The following STXBP4 variants were observed in gnomAD, a reference collection of about 807,000 sequenced individuals.
STXBP4 encodes syntaxin binding protein 4.
STXBP4 carries 55 observed loss-of-function variants against 76.1 expected under a neutral mutation model. The observed-to-expected ratio is 0.72, with a 90% CI of 0.58 to 0.91. STXBP4 has a LOEUF of 0.91. Among genes scored for constraint, STXBP4 ranks in the 40% least tolerant of loss-of-function variants. The pLI is 0.00. For missense variants in STXBP4, 618 were observed against 636.9 expected, an observed-to-expected ratio of 0.97 and a Z score of 0.32; for synonymous variants, 201 against 220.2, an observed-to-expected ratio of 0.91 and a Z score of 0.77.
chr17:54,980,179 A>T (rs2077529787), intron 1 of STXBP4, among the ~76,000 whole-genome samples: 1 of 152,122 alleles, frequency 6.6e-6, no homozygotes, highest in Non-Finnish European at 1.5e-5. Flanking sequence ...AAGACATATA[A>T]TCATATAATC....
At chr17:55,026,228 C>A (rs1368817383) in intron 8 of STXBP4, among the ~76,000 whole-genome samples, 2 of 152,132 alleles carry the variant, frequency 1.3e-5, no homozygotes, top group Non-Finnish European at 2.9e-5. Flanking sequence ...ATCAAAATAT[C>A]AGTTGGCTAT....
At chr17:55,031,356 AG>A (rs2078506785) in intron 9 of STXBP4, 92 bp downstream of exon 9, 1 of 1,054,688 alleles carries the variant, frequency 9.5e-7, no homozygotes, top group East Asian at 2.6e-5. Context: ...GTTCTTTAGA[AG>A]GAGAGAATGA....
At position 55,124,200 on chromosome 17, in the gene STXBP4, A is replaced by C. The variant is rs535457988; in HGVS notation, c.1490-17110A>C. 3.9e-5 allele frequency among the ~76,000 whole-genome samples: 6 copies of C among 152,296 alleles called. No individual in the cohort carries two copies. The East Asian group carries it at 1.2e-3, about 29-fold the overall frequency. On this transcript the variant is annotated intron_variant, in intron 16 of 17. Transcript: ENST00000376352. Reference sequence around the variant, plus strand: ...ATGGGGACTTGGGAGAATGAGATGGAGGTCCAAATGATAAGACAGGCTGTG... The same window carrying C: ...ATGGGGACTTGGGAGAATGAGATGGCGGTCCAAATGATAAGACAGGCTGTG...
At chr17:55,119,305 AGTT>A (rs2079817484) in intron 16 of STXBP4, among the ~76,000 whole-genome samples, 1 of 152,130 alleles carries the variant, frequency 6.6e-6, no homozygotes, top group African/African-American at 2.4e-5. Context: ...GCAAAGAAAA[AGTT>A]GTTTCTACAA....
In STXBP4 at chr17:54,985,639, A is replaced by G. The variant is rs1369797015; in HGVS notation, c.-131A>G. ...GAAAGCCATTTAAGAAGTTCCTGGA[A>G]TAATATTAGTCAGAGTAATATAGGA... is the stretch of plus-strand genomic sequence containing the variant. On this transcript the variant is annotated 5_prime_UTR_variant, in exon 2 of 18. Transcript: ENST00000376352. 6.6e-6 allele frequency: 1 copy of G among 152,290 alleles called. No individual in the cohort carries two copies. The highest frequency in any genetic ancestry group is 1.5e-5 in the Non-Finnish European group (1 of 68,062). 9.4% of individuals were successfully genotyped at this position (152,290 alleles called of 1,614,324 possible).
At chr17:54,978,858 A>G (rs890754897) in intron 1 of STXBP4, among the ~76,000 whole-genome samples, 26 of 152,200 alleles carry the variant, frequency 1.7e-4, no homozygotes, top group African/African-American at 6.0e-4. Context: ...ATTTTAAAAG[A>G]TGAAATTATT....
At chr17:55,104,582 A>AT (rs1191084081) in intron 16 of STXBP4, among the ~76,000 whole-genome samples, 3 of 151,796 alleles carry the variant, frequency 2.0e-5, no homozygotes, top group Middle Eastern at 3.2e-3. Context: ...TTGGCCTTAA[A>AT]TTTTTTTGTT....
chr17:55,157,379 A>G (rs1418143587), intron 17 of STXBP4, among the ~76,000 whole-genome samples: 1 of 152,198 alleles, frequency 6.6e-6, no homozygotes, highest in Non-Finnish European at 1.5e-5. Flanking sequence ...CTTTAAAACC[A>G]CTTTCAAGTT....
Position 55,161,292 on chromosome 17 carries a change from T to C in STXBP4, c.*1381T>C, listed in dbSNP as rs2080334821. 1 of 152,178 alleles carries C rather than the reference T, an allele frequency of 6.6e-6. No individual in the cohort carries two copies. The highest frequency in any genetic ancestry group is 2.4e-5 in the African/African-American group (1 of 41,440). The allele number at this position is 152,178 out of a possible 1,614,324, so 9.4% of individuals were successfully genotyped here. ...CAGACTGATAGGTAGTCATTAGCCA[T>C]GAGAAATGTTTCAGGATGGCTAGGG... On this transcript the variant is annotated 3_prime_UTR_variant, in exon 18 of 18. Transcript: ENST00000376352.
At chr17:55,199,626 G>A in the STXBP4 span, among the ~76,000 whole-genome samples, 1 of 152,110 alleles carries the variant, frequency 6.6e-6, no homozygotes, top group Admixed American at 6.5e-5. Context: ...TCCCTGAGTG[G>A]TAATAATCAG....
intron 8 of STXBP4, among the ~76,000 whole-genome samples, chr17:55,008,456 C>T (rs1387232028): frequency 6.6e-6 from 1 of 152,014 alleles, no homozygotes; most frequent in Non-Finnish European, 1.5e-5. Context: ...AGTTTTCTCA[C>T]CCATCGGTAG....
intron 15 of STXBP4, among the ~76,000 whole-genome samples, chr17:55,080,124 TA>T (rs1291423968): frequency 3.3e-5 from 5 of 152,182 alleles, no homozygotes; most frequent in African/African-American, 1.2e-4. Context: ...AGTTTTGTTT[TA>T]AAAATTAAGG....
intron 11 of STXBP4, chr17:55,044,465 T>G (rs961273723): frequency 1.3e-5 from 2 of 151,916 alleles, no homozygotes; most frequent in Non-Finnish European, 1.5e-5. Flanking sequence ...AATATATTAT[T>G]TATCTTTTCA....
chr17:55,010,720 G>A (rs868841409), intron 8 of STXBP4, among the ~76,000 whole-genome samples: 77 of 152,044 alleles, frequency 5.1e-4, no homozygotes, highest in African/African-American at 1.7e-3. Context: ...TTTCTGTAAC[G>A]TTTCAAGAAA....
At chr17:55,101,000 G>T (rs1397050808) in intron 16 of STXBP4, among the ~76,000 whole-genome samples, 1 of 152,150 alleles carries the variant, frequency 6.6e-6, no homozygotes, top group Non-Finnish European at 1.5e-5. Context: ...TCAACCTGTA[G>T]ATTGAAGCCT....
chr17:55,175,385 A>C (rs950438437), downstream of STXBP4, among the ~76,000 whole-genome samples: 2 of 152,228 alleles, frequency 1.3e-5, no homozygotes, highest in African/African-American at 4.8e-5. Context: ...ATGTCTGTAT[A>C]ATAAGGCAGC....
chr17:55,088,163 G>GATTTCTTTCT (rs2079363179), intron 16 of STXBP4, among the ~76,000 whole-genome samples: 2 of 152,150 alleles, frequency 1.3e-5, no homozygotes, highest in Non-Finnish European at 2.9e-5. Context: ...TTAAGCAGCA[G>GATTTCTTTCT]CTTTTTCTGC....
intron 10 of STXBP4, among the ~76,000 whole-genome samples, chr17:55,041,575 G>T (rs1052842113): frequency 2.0e-5 from 3 of 152,052 alleles, no homozygotes; most frequent in African/African-American, 7.2e-5. Context: ...GATAGAGTAG[G>T]CCATATGAAT....
chr17:55,128,143 A>G (rs1340118975), intron 16 of STXBP4, among the ~76,000 whole-genome samples: 1 of 152,246 alleles, frequency 6.6e-6, no homozygotes, highest in Non-Finnish European at 1.5e-5. Context: ...ATCAGTCTTC[A>G]TGGGAGGCAA....
Sources: allele counts gnomAD v4.1 joint callset (sites outside exome capture counted in the v4.1 genomes callset), GRCh38; gene constraint gnomAD v4.1.1; transcripts MANE v1.5; gene names NCBI Gene and HGNC (gene_info 2026-07-23, HGNC 2026-07-21).